DLG1: variants seen among roughly 807,000 people sequenced by gnomAD.
DLG1 encodes the protein discs large MAGUK scaffold protein 1, also known as disks large homolog 1.
A neutral mutation model predicts 123.4 loss-of-function variants in DLG1; 42 were observed. The ratio of observed to expected loss-of-function variants is 0.34; its 90% CI spans 0.27 to 0.44. The LOEUF (loss-of-function observed/expected upper bound fraction) is 0.44. Ranked by LOEUF, DLG1 falls within the 20% of genes least tolerant of loss-of-function variation. The pLI is 1.00. For missense variants in DLG1, 942 were observed against 1,082.6 expected (o/e 0.87, Z 1.82); for synonymous variants, 317 against 356.2 (o/e 0.89, Z 1.24).
At chr3:197,065,081 CACTTTCTTTGTTT>C (rs1360085163) in intron 22 of DLG1, among the ~76,000 whole-genome samples, 182 bp downstream of exon 22, 1 of 151,178 alleles carries the variant, frequency 6.6e-6, no homozygotes, top group African/African-American at 2.4e-5. Context: ...TTTCTATTTT[CACTTTCTTTGTTT>C]ACCTTATTTA....
chr3:197,079,218 T>C (rs1749318719), intron 17 of DLG1, among the ~76,000 whole-genome samples: 1 of 152,198 alleles, frequency 6.6e-6, no homozygotes, highest in Non-Finnish European at 1.5e-5. Context: ...ATTGATAAAA[T>C]ATCATAAATT....
chr3:197,080,457 T>G (rs1321387558), intron 17 of DLG1: 1 of 72,430 alleles, frequency 1.4e-5, no homozygotes, highest in Non-Finnish European at 3.0e-5. Flanking sequence ...TTTTTACCTT[T>G]TTTTTTTTTT....
chr3:197,057,312 C>T (rs554856278), intron 23 of DLG1, among the ~76,000 whole-genome samples: 3 of 152,318 alleles, frequency 2.0e-5, no homozygotes, highest in African/African-American at 7.2e-5. Context: ...CAACTCCTGA[C>T]CTCAAGCAAT....
chr3:197,286,854 A>G (rs886725180), intron 3 of DLG1, among the ~76,000 whole-genome samples: 3 of 151,198 alleles, frequency 2.0e-5, no homozygotes, highest in Non-Finnish European at 4.4e-5. Flanking sequence ...TGGCCTCCTC[A>G]AGTGCTGGGA....
At chr3:197,185,329 T>C (rs545987406) in intron 5 of DLG1, among the ~76,000 whole-genome samples, 16 of 152,296 alleles carry the variant, frequency 1.1e-4, no homozygotes, top group Non-Finnish European at 2.1e-4. Context: ...CAAGAAAACA[T>C]GCTAATGCTG....
At chr3:197,062,908 G>A (rs1736824929) in intron 22 of DLG1, among the ~76,000 whole-genome samples, 1 of 151,980 alleles carries the variant, frequency 6.6e-6, no homozygotes, top group Admixed American at 6.6e-5. Context: ...AATTATCACA[G>A]AGTTCATTTT....
intron 4 of DLG1, among the ~76,000 whole-genome samples, chr3:197,262,420 T>A (rs921297526): frequency 6.6e-6 from 1 of 152,206 alleles, no homozygotes; most frequent in African/African-American, 2.4e-5. Flanking sequence ...TTCTGGCTGT[T>A]CATCTGTATC....
intron 4 of DLG1, among the ~76,000 whole-genome samples, chr3:197,267,399 T>A (rs964702119): frequency 2.6e-5 from 4 of 152,182 alleles, no homozygotes; most frequent in Non-Finnish European, 5.9e-5. Context: ...GTCTATAATC[T>A]CTTTTTCCAT....
chr3:197,091,144 A>G, intron 14 of DLG1, 118 bp from the exon 15 acceptor site: 1 of 597,072 alleles, frequency 1.7e-6, no homozygotes, highest in Non-Finnish European at 2.8e-6. Context: ...GAACCTTAAA[A>G]TAGTAATATG....
At chr3:197,189,205 T>C (rs1310493301) in intron 5 of DLG1, among the ~76,000 whole-genome samples, 1 of 152,238 alleles carries the variant, frequency 6.6e-6, no homozygotes, top group Non-Finnish European at 1.5e-5. Flanking sequence ...AGATTACTCA[T>C]TGCAGGTTTC....
intron 4 of DLG1, among the ~76,000 whole-genome samples, chr3:197,213,733 C>T (rs1358064349): frequency 1.3e-5 from 2 of 152,168 alleles, no homozygotes; most frequent in African/African-American, 2.4e-5. Context: ...AGCAACACTA[C>T]TTAGTTATTC....
intron 4 of DLG1, among the ~76,000 whole-genome samples, chr3:197,264,733 C>A (rs752295867): frequency 2.0e-5 from 3 of 152,088 alleles, no homozygotes; most frequent in Non-Finnish European, 4.4e-5. Flanking sequence ...AGCCACGTTC[C>A]AGATTTTGAA....
At chr3:197,051,697 T>C in intron 23 of DLG1, 29 bp from the exon 24 acceptor site, 1 of 1,523,778 alleles carries the variant, frequency 6.6e-7, no homozygotes, top group Non-Finnish European at 9.1e-7. Flanking sequence ...AAATTGATAA[T>C]TACCAAATTA....
At chr3:197,156,659 TCATAA>T (rs1346659630) in intron 5 of DLG1, among the ~76,000 whole-genome samples, 7 of 151,994 alleles carry the variant, frequency 4.6e-5, no homozygotes, top group African/African-American at 1.5e-4. Flanking sequence ...GTGGCTGTAC[TCATAA>T]CAGACAAAAT....
At chr3:197,051,791 G>T in intron 23 of DLG1, 123 bp from the exon 24 acceptor site, 1 of 549,034 alleles carries the variant, frequency 1.8e-6, no homozygotes, top group Non-Finnish European at 3.0e-6. Flanking sequence ...CTGAAAATAT[G>T]AATGTCATTA....
chr3:197,258,992 G>A (rs1758131955), intron 4 of DLG1, among the ~76,000 whole-genome samples: 2 of 151,938 alleles, frequency 1.3e-5, no homozygotes, highest in Admixed American at 1.3e-4. Context: ...ACCCTCTTTT[G>A]CTAAAAGAGT....
At chr3:197,228,737 A>T (rs900735607) in intron 4 of DLG1, among the ~76,000 whole-genome samples, 2 of 152,224 alleles carry the variant, frequency 1.3e-5, no homozygotes, top group African/African-American at 4.8e-5. Flanking sequence ...GATGTTATCT[A>T]ACAAATCAAT....
intron 22 of DLG1, among the ~76,000 whole-genome samples, chr3:197,061,778 T>C (rs890631055): frequency 1.3e-5 from 2 of 152,184 alleles, no homozygotes; most frequent in African/African-American, 2.4e-5. Context: ...CGATATTATA[T>C]CTATTTGTCC....
chr3:197,187,532 C>T (rs150672029), intron 5 of DLG1, among the ~76,000 whole-genome samples: 49 of 152,278 alleles, frequency 3.2e-4, no homozygotes, highest in Non-Finnish European at 5.3e-4. Flanking sequence ...TCAAGTCCCT[C>T]TTAGTAATGT....
Sources: gnomAD v4.1 joint callset for allele counts (sites outside exome capture counted in the v4.1 genomes callset) on GRCh38, gnomAD v4.1.1 for gene constraint, MANE v1.5 for transcripts, NCBI Gene and HGNC (gene_info 2026-07-23, HGNC 2026-07-21) for gene names.